Variants in XRRA1 observed in about 807,000 individuals in gnomAD.
The protein encoded by XRRA1 is X-ray radiation resistance-associated protein 1.
XRRA1 carries 69 observed loss-of-function variants against 80.2 expected under a neutral mutation model. The observed-to-expected ratio is 0.86, with a 90% CI of 0.71 to 1.05. The LOEUF (loss-of-function observed/expected upper bound fraction) is 1.05. Among genes scored for constraint, XRRA1 ranks in the 50% least tolerant of loss-of-function variants. XRRA1 has a pLI of 0.00. For synonymous variants in XRRA1, 348 were observed against 389.9 expected, an observed-to-expected ratio of 0.89 and a Z score of 1.27; for missense variants, 967 against 976.4, an observed-to-expected ratio of 0.99 and a Z score of 0.13.
At chr11:74,924,876 C>T (rs1169852277) in intron 7 of XRRA1, among the ~76,000 whole-genome samples, 1 of 152,170 alleles carries the variant, frequency 6.6e-6, no homozygotes, top group Non-Finnish European at 1.5e-5. Context: ...TATTGGAACA[C>T]AGCCATGCTC....
intron 14 of XRRA1, 23 bp downstream of exon 14, chr11:74,851,065 G>A: frequency 1.3e-6 from 2 of 1,588,438 alleles, no homozygotes; most frequent in Middle Eastern, 1.7e-4. Flanking sequence ...CTGGGGGTGG[G>A]AGTCCTGCCT....
Position 74,844,188 on chromosome 11 carries a change from A to G in XRRA1, c.2023T>C (p.Tyr675His), listed in dbSNP as rs771101702. ...TTTACCCGTTTCTCTTTGTGAACATAGGGTTTCTGAAGAGTGTCCAGCTTG... is the reference window on the plus strand; with the variant it reads ...TTTACCCGTTTCTCTTTGTGAACATGGGGTTTCTGAAGAGTGTCCAGCTTG... The part of the protein sequence containing the change: ...KPKLDTLQKP[Y>H]VHKEKRAQRI... The change falls in exon 17 of 19, where the codon TAT (tyrosine) becomes CAT (histidine). Residue 675 changes from tyrosine (Y) to histidine (H), a missense_variant. Tyr to His is a moderately conservative substitution (Grantham distance 83). Coordinates refer to ENST00000684022, the MANE Select transcript of XRRA1 (RefSeq NM_001378157.1). The G allele has an allele frequency of 1.2e-6, 2 of 1,613,826 alleles. No individual in the cohort carries two copies. The highest frequency in any genetic ancestry group is 1.7e-6 in the Non-Finnish European group (2 of 1,179,812).
intron 10 of XRRA1, among the ~76,000 whole-genome samples, chr11:74,871,237 A>G (rs1316774543): frequency 1.3e-5 from 2 of 152,220 alleles, no homozygotes; most frequent in East Asian, 3.8e-4. Flanking sequence ...CCTGAGGGAC[A>G]TGCCTGCATC....
chr11:74,867,996 AC>A (rs1242654253), intron 10 of XRRA1, among the ~76,000 whole-genome samples: 1 of 134,258 alleles, frequency 7.4e-6, no homozygotes, highest in Non-Finnish European at 1.5e-5. Flanking sequence ...ATCTTGGTTC[AC>A]TGCAACCTCC....
chr11:74,944,282 C>T (rs547720275), intron 2 of XRRA1, among the ~76,000 whole-genome samples: 2 of 152,262 alleles, frequency 1.3e-5, no homozygotes, highest in East Asian at 1.9e-4. Flanking sequence ...AGGAAGCACG[C>T]AATAGACATG....
chr11:74,883,119 G>A (rs957071982), intron 10 of XRRA1, among the ~76,000 whole-genome samples: 25 of 152,172 alleles, frequency 1.6e-4, no homozygotes, highest in African/African-American at 3.9e-4. Flanking sequence ...CCTCGCTGCC[G>A]CCTTGCAGTT....
At chr11:74,898,487 C>T (rs2052883344) in intron 10 of XRRA1, among the ~76,000 whole-genome samples, 1 of 150,258 alleles carries the variant, frequency 6.7e-6, no homozygotes, top group Admixed American at 6.6e-5. Context: ...AAAAACAAGA[C>T]CCAGTAATTT....
At chr11:74,866,135 C>T (rs186948577) in intron 10 of XRRA1, among the ~76,000 whole-genome samples, 334 of 152,264 alleles carry the variant, frequency 2.2e-3, no homozygotes, top group Middle Eastern at 3.4e-3. Flanking sequence ...GGAAATATGA[C>T]GTCACCAAAC....
intron 10 of XRRA1, among the ~76,000 whole-genome samples, chr11:74,869,341 A>C (rs1252625092): frequency 6.6e-6 from 1 of 152,228 alleles, no homozygotes; most frequent in Non-Finnish European, 1.5e-5. Flanking sequence ...GAAAGAAATT[A>C]TTTAGGCAGA....
chr11:74,927,493 A>C lies in XRRA1; in HGVS notation c.425-5T>G. Reference sequence around the variant, plus strand: ...CTGGAAACGTGTGAAATGCCTCTACATGGGGAAGAGAAAGAGAGAGTCTGC... The same window carrying C: ...CTGGAAACGTGTGAAATGCCTCTACCTGGGGAAGAGAAAGAGAGAGTCTGC... On this transcript the variant is annotated splice_region_variant and splice_polypyrimidine_tract_variant and intron_variant, in intron 6 of 18. Coordinates refer to ENST00000684022, the MANE Select transcript of XRRA1 (RefSeq NM_001378157.1). 6.3e-7 allele frequency: 1 copy of C among 1,592,956 alleles called. No homozygotes were observed. Among genetic ancestry groups the C allele is most frequent in the Non-Finnish European group, 8.6e-7 (1 of 1,160,902 alleles).
At chr11:74,910,868 A>C (rs1260761446) in intron 8 of XRRA1, 1 of 152,292 alleles carries the variant, frequency 6.6e-6, no homozygotes, top group African/African-American at 2.4e-5. Flanking sequence ...GTGTGGAATG[A>C]GGGAGGCCAA....
chr11:74,883,338 CCAAGTGAGG>C (rs536686451), intron 10 of XRRA1, among the ~76,000 whole-genome samples: 281 of 152,306 alleles, frequency 1.8e-3, no homozygotes, highest in African/African-American at 6.5e-3. Context: ...CTTGCGCTTC[CCAAGTGAGG>C]CAATGCCTCG....
chr11:74,895,479 T>A (rs1335227835), intron 10 of XRRA1, among the ~76,000 whole-genome samples: 1 of 152,182 alleles, frequency 6.6e-6, no homozygotes, highest in East Asian at 1.9e-4. Flanking sequence ...CTAGATAAAC[T>A]TGAAAGGCAA....
intron 10 of XRRA1, among the ~76,000 whole-genome samples, chr11:74,881,308 T>A (rs2047517878): frequency 1.3e-5 from 2 of 151,768 alleles, no homozygotes; most frequent in South Asian, 4.1e-4. Flanking sequence ...TTGTTTTCCA[T>A]TTGCTTGGTA....
chr11:74,884,952 A>AGAT (rs2048665368), intron 10 of XRRA1, among the ~76,000 whole-genome samples: 1 of 152,204 alleles, frequency 6.6e-6, no homozygotes, highest in Admixed American at 6.5e-5. Context: ...AAGAAAATTT[A>AGAT]GATGCAAAAA....
chr11:74,859,297 A>G lies in XRRA1; in HGVS notation c.1045-14T>C. 1 of 1,598,394 alleles carries G rather than the reference A, an allele frequency of 6.3e-7. No individual in the cohort carries two copies. Among genetic ancestry groups the G allele is most frequent in the South Asian group, 1.1e-5 (1 of 87,984 alleles). On this transcript the variant is annotated splice_polypyrimidine_tract_variant and intron_variant, in intron 11 of 18. Transcript: ENST00000684022. ...TATCTTGGTTGTCTTAGAAAGAAGGAAAAGTCAAAATCAAAGTGCCCGATA... is the reference window on the plus strand; with the variant it reads ...TATCTTGGTTGTCTTAGAAAGAAGGGAAAGTCAAAATCAAAGTGCCCGATA...
chr11:74,939,123 G>A (rs1235704178), intron 3 of XRRA1, among the ~76,000 whole-genome samples: 3 of 152,098 alleles, frequency 2.0e-5, no homozygotes, highest in East Asian at 1.9e-4. Context: ...AGGCTGAGGC[G>A]GGTGGATCAC....
rs12284331 is a variant in XRRA1 at position 74,949,010 on chromosome 11, C to A, written c.-155G>T. 12,501 of 320,806 alleles carry A rather than the reference C, an allele frequency of 0.039. 288 individuals are homozygous for A. The highest frequency in any genetic ancestry group is 0.058 in the African/African-American group (2,637 of 45,364). The allele number at this position is 320,806 out of a possible 1,614,324, so 19.9% of individuals were successfully genotyped here. ...GAGGGATGCGCGCCTGCGAGCCCCC[C>A]GGGGATCTCGGAGCCGCTCCACTGC... is the stretch of plus-strand genomic sequence containing the variant. On this transcript the variant is annotated 5_prime_UTR_variant, in exon 1 of 19. Coordinates refer to ENST00000684022, the MANE Select transcript of XRRA1 (RefSeq NM_001378157.1).
chr11:74,848,805 T>G (rs2039005774), intron 14 of XRRA1, among the ~76,000 whole-genome samples: 1 of 152,216 alleles, frequency 6.6e-6, no homozygotes, highest in Admixed American at 6.5e-5. Flanking sequence ...GGCTTCATGC[T>G]GCATCCCTGA....
Sources: allele counts gnomAD v4.1 joint callset (sites outside exome capture counted in the v4.1 genomes callset), GRCh38; gene constraint gnomAD v4.1.1; transcripts MANE v1.5; gene names NCBI Gene and HGNC (gene_info 2026-07-23, HGNC 2026-07-21).